VASP: variants seen among roughly 807,000 people sequenced by gnomAD.
The protein encoded by VASP is vasodilator stimulated phosphoprotein, also known as vasodilator-stimulated phosphoprotein.
VASP carries 27 observed loss-of-function variants against 54.4 expected under a neutral mutation model. The observed-to-expected ratio is 0.50, with a 90% CI of 0.37 to 0.68. VASP has a LOEUF of 0.68. VASP is among the 30% of genes least tolerant of loss of function. VASP has a pLI of 0.00. For synonymous variants in VASP, 233 were observed against 209.8 expected, an observed-to-expected ratio of 1.11 and a Z score of -0.96; for missense variants, 488 against 528.3, an observed-to-expected ratio of 0.92 and a Z score of 0.75.
intron 9 of VASP, 36 bp downstream of exon 9, chr19:45,523,913 A>G (rs201550611): frequency 9.9e-6 from 16 of 1,613,460 alleles, no homozygotes; most frequent in African/African-American, 1.3e-5. Flanking sequence ...CAGGAACTAC[A>G]AATCCCAGAA....
chr19:45,510,218 T>G (rs931570333), intron 1 of VASP, among the ~76,000 whole-genome samples: 1 of 147,836 alleles, frequency 6.8e-6, no homozygotes, highest in African/African-American at 2.5e-5. Flanking sequence ...TGGCTGGTTT[T>G]TTTGTTGGTT....
At chr19:45,518,241 G>A in intron 3 of VASP, 147 bp downstream of exon 3, 1 of 1,264,132 alleles carries the variant, frequency 7.9e-7, no homozygotes, top group Non-Finnish European at 1.1e-6. Context: ...AGCATTTTGT[G>A]CATTCCAGTG....
At chr19:45,516,215 CA>C (rs1968698038) in intron 1 of VASP, among the ~76,000 whole-genome samples, 2 of 152,224 alleles carry the variant, frequency 1.3e-5, no homozygotes, top group African/African-American at 4.8e-5. Flanking sequence ...CTGTGAGCCC[CA>C]GGAGGGTGGT....
rs769199242 is a variant in VASP, at chr19:45,524,103, T to C, written c.917T>C (p.Val306Ala). 8.7e-6 allele frequency: 14 copies of C among 1,613,804 alleles called. No homozygotes were observed. Among genetic ancestry groups the C allele is most frequent in the Non-Finnish European group, 1.2e-5 (14 of 1,180,004 alleles). Reference sequence around the variant, plus strand: ...ATTTCTTGCCTATCCCCAGAATCTGTGCGGAGACCCTGGGAGAAGAACAGC... The same window carrying C: ...ATTTCTTGCCTATCCCCAGAATCTGCGCGGAGACCCTGGGAGAAGAACAGC... ...EARVPAQSES[V>A]RRPWEKNSTT... Residue 306 changes from valine (V) to alanine (A), a missense_variant, in exon 10 of 13, where the codon GTG becomes GCG. Physicochemically the swap from Val to Ala is moderately conservative, Grantham distance 64 (BLOSUM62 0). This residue lies in a region of VASP where 126 missense variants were observed against 134.8 expected (regional missense o/e 0.94). Transcript: ENST00000245932.
intron 5 of VASP, 25 bp from the exon 6 acceptor site, chr19:45,522,315 G>T (rs371553505): frequency 2.5e-6 from 4 of 1,612,264 alleles, no homozygotes; most frequent in Non-Finnish European, 3.4e-6. Flanking sequence ...TCTCTCAGCT[G>T]CCCCCTTTTC....
At position 45,522,162 on chromosome 19, in the gene VASP, C is replaced by A. The variant is rs937096904; in HGVS notation, c.429-6C>A. On this transcript the variant is annotated splice_region_variant and splice_polypyrimidine_tract_variant and intron_variant, in intron 4 of 12. Transcript: ENST00000245932. ...TTGACGGCAGCTCTCTCGCCTCCCC[C>A]CACAGGCAGCAGCCCGGCCCGTCGG... 2.5e-6 allele frequency: 4 copies of A among 1,613,798 alleles called. No individual in the cohort carries two copies. Among genetic ancestry groups the A allele is most frequent in the African/African-American group, 2.7e-5 (2 of 75,044 alleles).
intron 1 of VASP, among the ~76,000 whole-genome samples, chr19:45,516,717 G>T (rs1968708442): frequency 6.6e-6 from 1 of 151,882 alleles, no homozygotes; most frequent in Non-Finnish European, 1.5e-5. Context: ...TTTTTTTGTG[G>T]ACTGGGTGTG....
intron 1 of VASP, among the ~76,000 whole-genome samples, chr19:45,509,358 TTC>T (rs756527354): frequency 6.6e-6 from 1 of 151,752 alleles, no homozygotes; most frequent in Non-Finnish European, 1.5e-5. Flanking sequence ...TCCGGGACTC[TTC>T]TCTCCCCTTG....
intron 1 of VASP, among the ~76,000 whole-genome samples, chr19:45,515,037 C>T (rs1169530919): frequency 6.6e-6 from 1 of 152,124 alleles, no homozygotes; most frequent in African/African-American, 2.4e-5. Flanking sequence ...GGGGGAGGGG[C>T]TTAAGGCCCC....
intron 3 of VASP, among the ~76,000 whole-genome samples, chr19:45,519,356 C>T (rs1465395926): frequency 6.6e-6 from 1 of 152,060 alleles, no homozygotes; most frequent in African/African-American, 2.4e-5. Flanking sequence ...ATTGGCCAGG[C>T]TGGTTTCAAA....
chr19:45,510,868 G>A (rs969689079), intron 1 of VASP, among the ~76,000 whole-genome samples: 1 of 151,202 alleles, frequency 6.6e-6, no homozygotes, highest in Non-Finnish European at 1.5e-5. Flanking sequence ...GGGAGGTTGA[G>A]GCCGCAATGA....
intron 4 of VASP, among the ~76,000 whole-genome samples, 180 bp downstream of exon 4, chr19:45,521,586 T>C (rs1462439454): frequency 6.6e-6 from 1 of 152,114 alleles, no homozygotes; most frequent in Non-Finnish European, 1.5e-5. Context: ...AATCAGAATA[T>C]GGTGGTTGAA....
At chr19:45,509,415 A>G (rs1599926639) in intron 1 of VASP, among the ~76,000 whole-genome samples, 1 of 146,566 alleles carries the variant, frequency 6.8e-6, no homozygotes, top group Non-Finnish European at 1.5e-5. Context: ...TTCCGGTCCC[A>G]GGCTCGGTGG....
intron 1 of VASP, among the ~76,000 whole-genome samples, chr19:45,511,296 T>A (rs187854423): frequency 6.6e-6 from 1 of 152,298 alleles, no homozygotes; most frequent in African/African-American, 2.4e-5. Flanking sequence ...CTTGATTACC[T>A]CTGGTGATGG....
intron 3 of VASP, among the ~76,000 whole-genome samples, chr19:45,519,165 C>T (rs991738473): frequency 5.3e-5 from 8 of 152,180 alleles, no homozygotes; most frequent in African/African-American, 1.9e-4. Flanking sequence ...TAGGCGTGAG[C>T]CACCACACCC....
At chr19:45,508,975 G>T (rs1401003195) in intron 1 of VASP, among the ~76,000 whole-genome samples, 1 of 152,108 alleles carries the variant, frequency 6.6e-6, no homozygotes, top group Non-Finnish European at 1.5e-5. Context: ...GCCAGAGCCT[G>T]ACAATACTAT....
intron 1 of VASP, among the ~76,000 whole-genome samples, chr19:45,511,169 G>A (rs975013539): frequency 6.6e-6 from 1 of 152,052 alleles, no homozygotes; most frequent in African/African-American, 2.4e-5. Flanking sequence ...TTGGAAGGGT[G>A]GTGTATATGT....
In VASP at chr19:45,524,668, G is replaced by C. The variant is rs772526461; in HGVS notation, c.1047+8G>C. 1.5e-5 allele frequency: 24 copies of C among 1,611,850 alleles called. 1 individual carries two copies. The Admixed American group carries it at 3.8e-4, about 26-fold the overall frequency. On this transcript the variant is annotated splice_region_variant and intron_variant, in intron 11 of 12. Transcript: ENST00000245932. ...CTACAGAGGGTGAAACAGGTAACTT[G>C]GGGGGGAAGTTGGGGACCACAGCAA... is the stretch of plus-strand genomic sequence containing the variant.
rs778461757 is a variant in VASP at position 45,522,455 on chromosome 19, C to T, written c.594C>T (p.His198=). Residue 198 remains histidine (H), a synonymous_variant, in exon 6 of 13, where the codon CAC becomes CAT. Transcript: ENST00000245932. ...LPPSGVPAAA[H]GAGGGPPPAP... The stretch of plus-strand genomic sequence containing the variant: ...CTTCGGGGGTCCCAGCTGCAGCGCA[C>T]GGAGCAGGGGGAGGACCACCCCCTG... The T allele has an allele frequency of 2.7e-6, 4 of 1,507,574 alleles. No homozygotes were observed. Among genetic ancestry groups the T allele is most frequent in the East Asian group, 2.4e-5 (1 of 40,876 alleles). 93.4% of individuals were successfully genotyped at this position (1,507,574 alleles called of 1,614,324 possible).
Sources: allele counts gnomAD v4.1 joint callset (sites outside exome capture counted in the v4.1 genomes callset), GRCh38; gene constraint gnomAD v4.1.1; regional missense constraint gnomAD v4.1.1; transcripts MANE v1.5; gene names NCBI Gene and HGNC (gene_info 2026-07-23, HGNC 2026-07-21).